Variants in ECHDC3 observed in about 807,000 individuals in gnomAD.
The protein encoded by ECHDC3 is enoyl-CoA hydratase domain containing 3.
A neutral mutation model predicts 17.9 loss-of-function variants in ECHDC3; 20 were observed. The ratio of observed to expected loss-of-function variants is 1.12; its 90% CI spans 0.79 to 1.63. The LOEUF (loss-of-function observed/expected upper bound fraction) is 1.63. Among genes scored for constraint, ECHDC3 ranks in the 40% most tolerant of loss-of-function variants. ECHDC3 has a pLI of 0.00. For missense variants in ECHDC3, 407 were observed against 357.7 expected (o/e 1.14, Z -1.11); for synonymous variants, 177 against 149.7 (o/e 1.18, Z -1.33).
intron 1 of ECHDC3, among the ~76,000 whole-genome samples, chr10:11,745,171 C>T (rs1832746269): frequency 6.6e-6 from 1 of 152,116 alleles, no homozygotes; most frequent in Non-Finnish European, 1.5e-5. Flanking sequence ...AGGAGCTGAG[C>T]CTGGTTCCTC....
In ECHDC3 at chr10:11,755,361, C is replaced by T. The variant is rs374471411; in HGVS notation, c.391-47C>T. ...AAAAAAAAGCAATAGGCGTTAATGT[C>T]GTGCCTCCCTCTGGGTGGAAATGAA... is the stretch of plus-strand genomic sequence containing the variant. On this transcript the variant is annotated intron_variant, in intron 3 of 4. Transcript: ENST00000379215. The T allele has an allele frequency of 2.7e-4, 379 of 1,409,302 alleles. 1 individual carries two copies. The highest frequency in any genetic ancestry group is 3.5e-4 in the Non-Finnish European group (353 of 1,012,372). The allele number at this position is 1,409,302 out of a possible 1,614,324, so 87.3% of individuals were successfully genotyped here.
chr10:11,761,923 C>T (rs987783537), intron 4 of ECHDC3, among the ~76,000 whole-genome samples: 2 of 152,058 alleles, frequency 1.3e-5, no homozygotes, highest in Admixed American at 1.3e-4. Flanking sequence ...GCTGGAGATA[C>T]AGAAATCAAC....
intron 1 of ECHDC3, among the ~76,000 whole-genome samples, chr10:11,745,228 A>G (rs1201276964): frequency 1.3e-5 from 2 of 152,134 alleles, no homozygotes; most frequent in African/African-American, 4.8e-5. Flanking sequence ...ACAGTGTGGG[A>G]GCCAAACAGC....
Position 11,763,183 on chromosome 10 carries a change from C to A in ECHDC3, c.592-41C>A. The A allele has an allele frequency of 1.4e-6, 1 of 721,534 alleles. No individual in the cohort carries two copies. The highest frequency in any genetic ancestry group is 1.5e-5 in the South Asian group (1 of 65,590). 44.7% of individuals were successfully genotyped at this position (721,534 alleles called of 1,614,324 possible). A position where few individuals can be genotyped will look rare whatever the true frequency, so the allele number is the denominator to read the frequency against. Reference sequence around the variant, plus strand: ...CGGGACTCAGGTGGCGGGGGCGGGTCACAGGAGAGCACCTCAGTGACATCC... The same window carrying A: ...CGGGACTCAGGTGGCGGGGGCGGGTAACAGGAGAGCACCTCAGTGACATCC... On this transcript the variant is annotated intron_variant, in intron 4 of 4. Transcript: ENST00000379215. The surrounding 1 kb of genome is among the most constrained non-coding windows in gnomAD (Gnocchi z 4.9).
chr10:11,761,587 G>T (rs189058771), intron 4 of ECHDC3, among the ~76,000 whole-genome samples: 1 of 152,352 alleles, frequency 6.6e-6, no homozygotes, highest in East Asian at 1.9e-4. Context: ...CCTCAGCTGG[G>T]GATTCATCTG....
At chr10:11,749,211 A>G (rs1182021534) in intron 2 of ECHDC3, among the ~76,000 whole-genome samples, 1 of 152,198 alleles carries the variant, frequency 6.6e-6, no homozygotes, top group Non-Finnish European at 1.5e-5. Context: ...TCGCCTTGGT[A>G]ACTGAATCTT....
chr10:11,750,305 A>G (rs1361937409), intron 3 of ECHDC3, among the ~76,000 whole-genome samples: 1 of 152,220 alleles, frequency 6.6e-6, no homozygotes, highest in African/African-American at 2.4e-5. Context: ...AAAGATTTTA[A>G]ACTAAAACAA....
At chr10:11,745,582 G>A (rs1006462097) in intron 1 of ECHDC3, among the ~76,000 whole-genome samples, 2 of 152,192 alleles carry the variant, frequency 1.3e-5, no homozygotes, top group African/African-American at 4.8e-5. Flanking sequence ...AAAGAAAGTG[G>A]TTATTCTTAT....
At position 11,742,755 on chromosome 10, in the gene ECHDC3, C is replaced by T. The variant is rs1832710288; in HGVS notation, c.170+9C>T. On this transcript the variant is annotated intron_variant, in intron 1 of 4. Transcript: ENST00000379215. ...CAGCTGGACGGCATAAGGTCAGCCC[C>T]GGGCCGCGCGGGCTCCTCGCGTTGG... The T allele has an allele frequency of 7.3e-6, 9 of 1,225,696 alleles. No homozygotes were observed. The East Asian group carries it at 1.3e-4, about 18-fold the overall frequency. The allele number at this position is 1,225,696 out of a possible 1,614,324, so 75.9% of individuals were successfully genotyped here. A position where few individuals can be genotyped will look rare whatever the true frequency, so the allele number is the denominator to read the frequency against.
intron 4 of ECHDC3, among the ~76,000 whole-genome samples, chr10:11,756,053 CT>C (rs1487338124): frequency 1.3e-5 from 2 of 152,222 alleles, no homozygotes; most frequent in Non-Finnish European, 1.5e-5. Flanking sequence ...CGCTGGCTCA[CT>C]CTTCATCAAC....
chr10:11,747,994 A>G (rs545272788), intron 2 of ECHDC3, among the ~76,000 whole-genome samples: 2 of 152,328 alleles, frequency 1.3e-5, no homozygotes, highest in African/African-American at 4.8e-5. Flanking sequence ...TAATATTAGC[A>G]TTTTAAAGCA....
At chr10:11,756,156 G>A (rs2133793081) in intron 4 of ECHDC3, among the ~76,000 whole-genome samples, 1 of 152,300 alleles carries the variant, frequency 6.6e-6, no homozygotes, top group East Asian at 1.9e-4. Flanking sequence ...TGAATCTCCT[G>A]TGCGTGGTAT....
In ECHDC3 at chr10:11,755,443, C is replaced by T. The variant is rs1476408383; in HGVS notation, c.426C>T (p.Val142=). 2.5e-6 allele frequency: 4 copies of T among 1,613,816 alleles called. No individual in the cohort carries two copies. Among genetic ancestry groups the T allele is most frequent in the African/African-American group, 2.7e-5 (2 of 74,912 alleles). The part of the protein sequence containing the change: ...MMHIRNHPVP[V]IAMVNGLAAA... ...ACATCCGGAACCACCCCGTTCCCGT[C>T]ATTGCCATGGTCAATGGCCTGGCCG... is the stretch of plus-strand genomic sequence containing the variant. Residue 142 remains valine (V), a synonymous_variant, in exon 4 of 5, where the codon GTC becomes GTT. Transcript: ENST00000379215.
chr10:11,751,851 G>A (rs958525599), intron 3 of ECHDC3, among the ~76,000 whole-genome samples: 2 of 152,138 alleles, frequency 1.3e-5, no homozygotes, highest in East Asian at 1.9e-4. Context: ...CTCATACCCC[G>A]TCAATCAAAT....
chr10:11,742,454 C>T lies in ECHDC3; in HGVS notation c.-123C>T, dbSNP rs902168805. On this transcript the variant is annotated 5_prime_UTR_variant, in exon 1 of 5. Coordinates refer to ENST00000379215, the MANE Select transcript of ECHDC3 (RefSeq NM_024693.5). ...CTGTCAGGCGGTTCCGTCCGGGTCT[C>T]GGCCACCGTCGAGTTCCGTCGAGTT... 2.2e-4 allele frequency: 225 copies of T among 1,029,942 alleles called. No individual in the cohort carries two copies. The highest frequency in any genetic ancestry group is 3.6e-4 in the Middle Eastern group (1 of 2,790). 63.8% of individuals were successfully genotyped at this position (1,029,942 alleles called of 1,614,324 possible). A position where few individuals can be genotyped will look rare whatever the true frequency, so the allele number is the denominator to read the frequency against.
chr10:11,754,458 C>A (rs1029694501), intron 3 of ECHDC3, among the ~76,000 whole-genome samples: 60 of 152,270 alleles, frequency 3.9e-4, no homozygotes, highest in African/African-American at 1.3e-3. Context: ...ATATTTTTGT[C>A]TCTCCTCTCT....
At chr10:11,750,616 G>A (rs759126628) in intron 3 of ECHDC3, among the ~76,000 whole-genome samples, 4 of 152,172 alleles carry the variant, frequency 2.6e-5, no homozygotes, top group Admixed American at 6.5e-5. Context: ...TTCATCTAAT[G>A]ACCATTTATT....
chr10:11,749,425 G>C, intron 2 of ECHDC3, 70 bp from the exon 3 acceptor site: 1 of 1,465,672 alleles, frequency 6.8e-7, no homozygotes, highest in Non-Finnish European at 9.5e-7. Context: ...AGACAAGGAA[G>C]GGAACTAACT....
intron 4 of ECHDC3, among the ~76,000 whole-genome samples, chr10:11,760,262 TCCCAGGAGGACCAGTG>T (rs1300997429): frequency 6.6e-6 from 1 of 151,754 alleles, no homozygotes; most frequent in Non-Finnish European, 1.5e-5. Flanking sequence ...TGCTCAGAGG[TCCCAGGAGGACCAGTG>T]CCCAGCAGGC....
Sources: gnomAD v4.1 joint callset for allele counts (sites outside exome capture counted in the v4.1 genomes callset) on GRCh38, gnomAD v4.1.1 for gene constraint, Gnocchi (gnomAD v3.1) non-coding constraint, MANE v1.5 for transcripts, NCBI Gene and HGNC (gene_info 2026-07-23, HGNC 2026-07-21) for gene names.